CFAP68: variants seen among roughly 807,000 people sequenced by gnomAD.
CFAP68 encodes the protein cilia and flagella associated protein 68.
the CFAP68 span, chr11:111,881,293 G>A: frequency 1.6e-5 from 23 of 1,407,946 alleles, no homozygotes; most frequent in Non-Finnish European, 2.0e-5. Flanking sequence ...TGGTCATCAT[G>A]TTGTTTGGTA....
the CFAP68 span, chr11:111,885,317 A>G: frequency 2.0e-5 from 3 of 152,158 alleles, no homozygotes; most frequent in Non-Finnish European, 2.9e-5. Flanking sequence ...ATCTCTACCA[A>G]AAAAAATTTT....
chr11:111,880,631 T>C, the CFAP68 span: 1 of 339,720 alleles, frequency 2.9e-6, no homozygotes, highest in African/African-American at 2.2e-5. Context: ...ATCCACCCCT[T>C]GTTTAGTATA....
chr11:111,882,586 C>T, the CFAP68 span: 1 of 1,574,604 alleles, frequency 6.4e-7, no homozygotes, highest in Non-Finnish European at 8.6e-7. Flanking sequence ...AGCCCAAACC[C>T]TTGCCTTCCC....
the CFAP68 span, chr11:111,881,579 A>C: frequency 6.5e-7 from 1 of 1,536,026 alleles, no homozygotes; most frequent in Admixed American, 2.0e-5. Context: ...CAAAGAGCTC[A>C]ACCTACTCAG....
chr11:111,884,086 C>A, the CFAP68 span: 2 of 448,440 alleles, frequency 4.5e-6, no homozygotes, highest in African/African-American at 2.0e-5. Context: ...ATTCTTTATC[C>A]CTTTTTTTGT....
chr11:111,880,390 T>C, the CFAP68 span, among the ~76,000 whole-genome samples: 1 of 152,170 alleles, frequency 6.6e-6, no homozygotes, highest in Non-Finnish European at 1.5e-5. Flanking sequence ...TAAGGCATTC[T>C]TAGTCACAGG....
the CFAP68 span, chr11:111,879,725 A>G: frequency 7.6e-5 from 85 of 1,112,838 alleles, no homozygotes; most frequent in Middle Eastern, 2.0e-4. Context: ...TATGATTTCA[A>G]TGAGCCTGCA....
chr11:111,880,104 A>G, the CFAP68 span, among the ~76,000 whole-genome samples: 1,466 of 152,252 alleles, frequency 9.6e-3, 39 homozygotes, highest in African/African-American at 0.034. Flanking sequence ...GGGTACAGGT[A>G]CAGGTTTGTT....
chr11:111,882,687 C>T, the CFAP68 span: 1 of 1,206,242 alleles, frequency 8.3e-7, no homozygotes. Flanking sequence ...GATGTAATAA[C>T]TTCTGGTGCA....
chr11:111,881,191 G>A, the CFAP68 span: 3 of 1,290,314 alleles, frequency 2.3e-6, no homozygotes, highest in South Asian at 1.9e-5. Flanking sequence ...CTGAGTGGAT[G>A]GTGATGTCTG....
At chr11:111,879,583 G>C in the CFAP68 span, 3 of 1,614,172 alleles carry the variant, frequency 1.9e-6, no homozygotes, top group South Asian at 1.1e-5. Flanking sequence ...CAGTGTCTCT[G>C]CTGCTCAAAA....
the CFAP68 span, chr11:111,881,275 A>G: frequency 7.1e-7 from 1 of 1,417,402 alleles, no homozygotes; most frequent in Admixed American, 3.0e-5. Flanking sequence ...TTGTGGCACC[A>G]GCTACTCTGG....
chr11:111,885,158 AAAAAAGAAAAG>A, the CFAP68 span: 2 of 151,758 alleles, frequency 1.3e-5, no homozygotes, highest in Non-Finnish European at 2.9e-5. Flanking sequence ...TCTCAAAAAA[AAAAAAGAAAAG>A]AAAAAGAAAA....
the CFAP68 span, chr11:111,882,266 G>A: frequency 4.5e-6 from 4 of 888,558 alleles, no homozygotes; most frequent in South Asian, 6.6e-5. Flanking sequence ...TTAGTACGGT[G>A]TGCTTGTGTT....
the CFAP68 span, chr11:111,884,166 G>A: frequency 4.0e-6 from 1 of 251,216 alleles, no homozygotes; most frequent in East Asian, 1.1e-4. Context: ...GGGTGTTGTA[G>A]AAGGGCCTTA....
the CFAP68 span, chr11:111,882,288 T>C: frequency 8.2e-7 from 1 of 1,214,166 alleles, no homozygotes; most frequent in East Asian, 2.3e-5. Context: ...TACCTGGCTA[T>C]GTAAAACAAG....
chr11:111,880,762 G>A, the CFAP68 span: 2 of 456,016 alleles, frequency 4.4e-6, no homozygotes, highest in African/African-American at 4.0e-5. Flanking sequence ...GACTCACCTT[G>A]AATTATTTCT....
At chr11:111,881,177 A>T in the CFAP68 span, 9 of 1,271,504 alleles carry the variant, frequency 7.1e-6, no homozygotes, top group Admixed American at 2.3e-4. Flanking sequence ...TCTGGCTTGG[A>T]CAACTGAGTG....
chr11:111,883,566 C>G, the CFAP68 span, among the ~76,000 whole-genome samples: 1 of 151,428 alleles, frequency 6.6e-6, no homozygotes, highest in African/African-American at 2.4e-5. Context: ...GCACTCCTGC[C>G]TGGGTGACAG....
Sources: allele counts gnomAD v4.1 joint callset (sites outside exome capture counted in the v4.1 genomes callset), GRCh38; gene constraint gnomAD v4.1.1; transcripts MANE v1.5; gene names NCBI Gene and HGNC (gene_info 2026-07-23, HGNC 2026-07-21).